Variants in WWP2 observed in about 807,000 individuals in gnomAD.
The protein encoded by WWP2 is NEDD4-like E3 ubiquitin-protein ligase WWP2.
A neutral mutation model predicts 121.0 loss-of-function variants in WWP2; 57 were observed. The ratio of observed to expected loss-of-function variants is 0.47; its 90% confidence interval spans 0.38 to 0.59. The LOEUF is 0.59. Among genes scored for constraint, WWP2 ranks in the 20% least tolerant of loss-of-function variants. The probability of loss-of-function intolerance (pLI) is 0.00; values close to 1 mark genes in which losing one functional copy is unlikely to be tolerated. For synonymous variants in WWP2, 449 were observed against 441.3 expected (o/e 1.02, Z -0.22); for missense variants, 962 against 1,158.9 (o/e 0.83, Z 2.47).
At chr16:69,781,633 C>G (rs1417344008) in intron 1 of WWP2, among the ~76,000 whole-genome samples, 1 of 151,876 alleles carries the variant, frequency 6.6e-6, no homozygotes, top group African/African-American at 2.4e-5. Flanking sequence ...TATAGGCGCC[C>G]GCTGGCTTTT....
At chr16:69,878,576 G>A (rs893685467) in intron 7 of WWP2, among the ~76,000 whole-genome samples, 6 of 151,826 alleles carry the variant, frequency 4.0e-5, no homozygotes, top group South Asian at 2.1e-4. Flanking sequence ...TGCCCAGGCC[G>A]GTCTCCAACT....
chr16:69,861,554 G>T (rs1202905046), intron 6 of WWP2, among the ~76,000 whole-genome samples: 1 of 152,082 alleles, frequency 6.6e-6, no homozygotes, highest in Admixed American at 6.6e-5. Flanking sequence ...GTGGAATGGA[G>T]CCGTAAATTG....
intron 4 of WWP2, among the ~76,000 whole-genome samples, chr16:69,823,242 A>G (rs80215330): frequency 0.043 from 6,514 of 152,276 alleles, 181 homozygotes; most frequent in Non-Finnish European, 0.058. Context: ...AAAGAAAAGT[A>G]CTAATGAGAT....
intron 8 of WWP2, among the ~76,000 whole-genome samples, chr16:69,889,998 A>C (rs1025025424): frequency 1.3e-5 from 2 of 152,106 alleles, no homozygotes; most frequent in Non-Finnish European, 2.9e-5. Context: ...TCTGTTGCCC[A>C]GGCTGGAGTG....
chr16:69,931,415 G>A, intron 14 of WWP2, 94 bp from the exon 15 acceptor site: 1 of 1,550,010 alleles, frequency 6.5e-7, no homozygotes, highest in Non-Finnish European at 8.9e-7. Context: ...TTGCCTCCTG[G>A]CCCAGCAGGC....
rs192033471 is a variant in WWP2, at chr16:69,844,083, G to A, written c.575+1963G>A. Reference sequence around the variant, plus strand: ...AGATGGACGTTTGGATCTTTTTTCCGTACCTTTATTAGAAGCAGAGATGCC... The same window carrying A: ...AGATGGACGTTTGGATCTTTTTTCCATACCTTTATTAGAAGCAGAGATGCC... On this transcript the variant is annotated intron_variant, in intron 6 of 23. Coordinates refer to ENST00000359154, the MANE Select transcript of WWP2 (RefSeq NM_001270454.2). 2.0e-4 allele frequency among the ~76,000 whole-genome samples: 30 copies of A among 152,174 alleles called. No individual in the cohort carries two copies. In the South Asian group the frequency reaches 4.8e-3, roughly 24 times the overall value.
rs559265435 is a variant in WWP2, at chr16:69,765,451, G to C, written c.-16+3060G>C. 1.2e-4 allele frequency among the ~76,000 whole-genome samples: 19 copies of C among 152,278 alleles called. 1 individual carries two copies. In the East Asian group the frequency reaches 2.9e-3, roughly 23 times the overall value. ...CCCTTGTGGATCTTCAATTTTATTA[G>C]AGAAGGGCACATTGATAACTAAGTA... is the stretch of plus-strand genomic sequence containing the variant. On this transcript the variant is annotated intron_variant, in intron 1 of 23. Transcript: ENST00000359154.
rs556893670 is a variant in WWP2, at chr16:69,791,479, C to T, written c.70+4399C>T. On this transcript the variant is annotated intron_variant, in intron 2 of 23. Transcript: ENST00000359154. Reference sequence around the variant, plus strand: ...CTGACCTCAGGTGATCCACCCACCTCGGCCTGCCAAAGTGCTGGGATTACA... The same window carrying T: ...CTGACCTCAGGTGATCCACCCACCTTGGCCTGCCAAAGTGCTGGGATTACA... Among the ~76,000 whole-genome samples, 19 of 152,156 alleles carry T rather than the reference C, an allele frequency of 1.2e-4. 1 individual carries two copies. Among genetic ancestry groups the T allele is most frequent in the African/African-American group, 2.9e-4 (12 of 41,438 alleles).
chr16:69,920,821 AT>A (rs367756515), intron 10 of WWP2, among the ~76,000 whole-genome samples: 27 of 151,526 alleles, frequency 1.8e-4, no homozygotes, highest in African/African-American at 5.6e-4. Context: ...CATTAAAGCA[AT>A]TTTTTTTTCC....
intron 1 of WWP2, among the ~76,000 whole-genome samples, chr16:69,765,401 A>G (rs2038706061): frequency 6.6e-6 from 1 of 152,206 alleles, no homozygotes; most frequent in Non-Finnish European, 1.5e-5. Flanking sequence ...GGAATATAGC[A>G]GTACAAGAAA....
intron 11 of WWP2, among the ~76,000 whole-genome samples, chr16:69,927,415 C>T (rs1370689068): frequency 2.7e-5 from 4 of 150,866 alleles, no homozygotes; most frequent in Admixed American, 2.0e-4. Flanking sequence ...CACATCTGCC[C>T]TCGGCAGCCC....
intron 1 of WWP2, among the ~76,000 whole-genome samples, chr16:69,782,299 A>G (rs985214661): frequency 2.6e-5 from 4 of 152,104 alleles, no homozygotes; most frequent in Non-Finnish European, 5.9e-5. Context: ...ACAAACAGAC[A>G]AACAGAGGGA....
chr16:69,816,258 T>C (rs2056487991), intron 4 of WWP2, among the ~76,000 whole-genome samples: 1 of 151,822 alleles, frequency 6.6e-6, no homozygotes, highest in Non-Finnish European at 1.5e-5. Context: ...GTGTGTAAAA[T>C]TTCATATCAT....
At chr16:69,908,439 A>G (rs1347201940) in intron 8 of WWP2, among the ~76,000 whole-genome samples, 1 of 151,944 alleles carries the variant, frequency 6.6e-6, no homozygotes, top group East Asian at 2.0e-4. Context: ...ACCTTTGTGA[A>G]ATGGTGGAGA....
intron 4 of WWP2, among the ~76,000 whole-genome samples, chr16:69,820,789 G>T (rs540131555): frequency 1.3e-5 from 2 of 151,440 alleles, no homozygotes; most frequent in South Asian, 2.1e-4. Context: ...GTTCACTTTT[G>T]TGTACCTACA....
chr16:69,865,564 AAAGCAGGCATTTC>A (rs1182687942), intron 6 of WWP2, among the ~76,000 whole-genome samples: 28 of 152,218 alleles, frequency 1.8e-4, no homozygotes, highest in Admixed American at 1.8e-3. Flanking sequence ...CTGAAACCAA[AAAGCAGGCATTTC>A]AAGGGAGGGA....
rs568681306 is a variant in WWP2 at position 69,935,571 on chromosome 16, G to A, written c.1843-282G>A. 7.2e-5 allele frequency among the ~76,000 whole-genome samples: 11 copies of A among 152,370 alleles called. No individual in the cohort carries two copies. Among genetic ancestry groups the A allele is most frequent in the African/African-American group, 9.6e-5 (4 of 41,590 alleles). ...GCCAGGAGCCAGCCGGCCAGCGTGC[G>A]GGGCAGATGCGGGCCCGGACGTGGG... On this transcript the variant is annotated intron_variant, in intron 17 of 23. Transcript: ENST00000359154. The surrounding 1 kb of genome is among the most constrained non-coding windows in gnomAD (Gnocchi z 5.2).
intron 6 of WWP2, among the ~76,000 whole-genome samples, chr16:69,864,163 T>G (rs1172471899): frequency 6.6e-6 from 1 of 151,788 alleles, no homozygotes; most frequent in Non-Finnish European, 1.5e-5. Flanking sequence ...ATCTCAGGAG[T>G]TCGATATCAG....
Position 69,939,138 on chromosome 16 carries a change from G to A in WWP2, c.2440+15G>A, listed in dbSNP as rs772094095. 3.9e-5 allele frequency: 62 copies of A among 1,586,776 alleles called. No homozygotes were observed. The highest frequency in any genetic ancestry group is 5.7e-5 in the South Asian group (5 of 88,014). On this transcript the variant is annotated intron_variant, in intron 22 of 23. Transcript: ENST00000359154. ...CGAACTCATCGGTATGTTTTCTCTC[G>A]CCCTCTGGCGTCCTGGCTGGCAGTG...
Sources: gnomAD v4.1 joint callset for allele counts (sites outside exome capture counted in the v4.1 genomes callset) on GRCh38, gnomAD v4.1.1 for gene constraint, Gnocchi (gnomAD v3.1) non-coding constraint, MANE v1.5 for transcripts, NCBI Gene and HGNC (gene_info 2026-07-23, HGNC 2026-07-21) for gene names.